The following ZFP64 variants were observed in gnomAD, a reference collection of about 807,000 sequenced individuals.
The protein encoded by ZFP64 is zinc finger protein 64.
A neutral mutation model predicts 51.6 loss-of-function variants in ZFP64; 14 were observed. That is an observed-to-expected ratio of 0.27 (90% CI 0.18 to 0.42). The LOEUF (loss-of-function observed/expected upper bound fraction) is 0.42, where lower values mean the gene tolerates loss of function less well. ZFP64 is among the 10% of genes least tolerant of loss of function. ZFP64 has a pLI of 1.00. For missense variants in ZFP64, 754 were observed against 906.8 expected, an observed-to-expected ratio of 0.83 and a Z score of 2.16; for synonymous variants, 375 against 361.4, an observed-to-expected ratio of 1.04 and a Z score of -0.43.
intron 5 of ZFP64, among the ~76,000 whole-genome samples, chr20:52,130,638 G>GT (rs1369623523): frequency 6.6e-6 from 1 of 152,176 alleles, no homozygotes; most frequent in Non-Finnish European, 1.5e-5. Flanking sequence ...TATAGTAGGT[G>GT]TTCAGGAAAC....
At chr20:52,106,082 C>T (rs1450143882) in intron 5 of ZFP64, among the ~76,000 whole-genome samples, 2 of 152,314 alleles carry the variant, frequency 1.3e-5, no homozygotes, top group East Asian at 3.9e-4. Flanking sequence ...CACGCGCCCG[C>T]TCCCGCCCCG....
intron 5 of ZFP64, among the ~76,000 whole-genome samples, chr20:52,136,890 G>A (rs989777154): frequency 6.6e-6 from 1 of 152,080 alleles, no homozygotes; most frequent in Non-Finnish European, 1.5e-5. Context: ...TCAGCCTCCT[G>A]AATAGCCGGG....
intron 5 of ZFP64, among the ~76,000 whole-genome samples, chr20:52,135,115 C>T (rs1979906846): frequency 1.3e-5 from 2 of 152,136 alleles, no homozygotes; most frequent in Non-Finnish European, 1.5e-5. Flanking sequence ...CTGTCTGCTT[C>T]GGCCTCCCAT....
At chr20:52,140,249 A>G (rs949711771) in intron 5 of ZFP64, among the ~76,000 whole-genome samples, 6 of 152,166 alleles carry the variant, frequency 3.9e-5, no homozygotes, top group Non-Finnish European at 1.5e-5. Context: ...TTCAAGTGAA[A>G]GAAAGAGTCC....
At chr20:52,117,096 C>A (rs975814396) in intron 5 of ZFP64, among the ~76,000 whole-genome samples, 11 of 151,988 alleles carry the variant, frequency 7.2e-5, no homozygotes, top group African/African-American at 2.7e-4. Flanking sequence ...CACACACACA[C>A]AAATTATGAA....
chr20:52,091,204 A>T (rs966186282), intron 7 of ZFP64, among the ~76,000 whole-genome samples: 1 of 152,080 alleles, frequency 6.6e-6, no homozygotes, highest in Non-Finnish European at 1.5e-5. Context: ...CCTCTTAAAG[A>T]TTTAAATTAT....
chr20:52,093,284 G>A (rs1416774508), intron 7 of ZFP64, among the ~76,000 whole-genome samples: 1 of 152,110 alleles, frequency 6.6e-6, no homozygotes, highest in Non-Finnish European at 1.5e-5. Context: ...GGGATTACAG[G>A]CAGCCACCAC....
At position 52,108,674 on chromosome 20, in the gene ZFP64, A is replaced by AT. The variant is rs962925953; in HGVS notation, c.764-10088dup. Among the ~76,000 whole-genome samples the AT allele has an allele frequency of 3.1e-4, 47 of 150,930 alleles. 1 individual carries two copies. Among genetic ancestry groups the AT allele is most frequent in the South Asian group, 2.1e-3 (10 of 4,752 alleles). On this transcript the variant is annotated intron_variant, in intron 5 of 8. Coordinates refer to the ZFP64 transcript ENST00000361387. ...CAGACAGCCACCACCATGCCCGACA[A>AT]TTTTTTTTTATTTTTAGTAGAGATG...
chr20:52,098,912 G>A (rs1441815652), intron 5 of ZFP64, among the ~76,000 whole-genome samples: 2 of 149,890 alleles, frequency 1.3e-5, no homozygotes, highest in South Asian at 2.1e-4. Flanking sequence ...TGAGGCAGGA[G>A]AATCGCTGGA....
Position 52,160,831 on chromosome 20 carries a change from C to CTG in ZFP64, c.512-459_512-458dup, listed in dbSNP as rs1310943824. On this transcript the variant is annotated intron_variant, in intron 4 of 5. Transcript: ENST00000216923. The surrounding 1 kb of genome is among the most constrained non-coding windows in gnomAD (Gnocchi z 4.2). ...AGCCTCGCCTGCAGCTAGCTGTGAT[C>CTG]TGTGACTAAGTTCCTATCAAAGCGA... Among the ~76,000 whole-genome samples the CTG allele has an allele frequency of 6.6e-6, 1 of 152,166 alleles. No individual in the cohort carries two copies. The highest frequency in any genetic ancestry group is 2.4e-5 in the African/African-American group (1 of 41,450).
intron 7 of ZFP64, chr20:52,089,129 C>T: frequency 2.2e-6 from 1 of 464,206 alleles, no homozygotes; most frequent in Non-Finnish European, 4.3e-6. Flanking sequence ...CAGCAGAAGA[C>T]CACATACCCA....
intron 5 of ZFP64, among the ~76,000 whole-genome samples, chr20:52,123,385 T>C (rs1275503767): frequency 6.6e-6 from 1 of 152,194 alleles, no homozygotes; most frequent in Non-Finnish European, 1.5e-5. Context: ...GAGAAATCTT[T>C]TGTGACAGGA....
chr20:52,124,192 T>TAAAAAA (rs33931169), intron 5 of ZFP64, among the ~76,000 whole-genome samples: 1 of 114,050 alleles, frequency 8.8e-6, no homozygotes, highest in African/African-American at 3.6e-5. Context: ...TTGTTAAATG[T>TAAAAAA]AAAAAAAAAA....
chr20:52,152,085 ATTCTACTTAAGAT>A lies in ZFP64; in HGVS notation c.*48_*60del. On this transcript the variant is annotated 3_prime_UTR_variant, in exon 6 of 6. Coordinates refer to ENST00000216923, the MANE Select transcript of ZFP64 (RefSeq NM_018197.3). ...ACATTAAGAGCAAACCTTTTAGAGA[ATTCTACTTAAGAT>A]TTCTTTTTCTCAATTCCTTTCCCCC... 1 of 1,552,586 alleles carries A rather than the reference ATTCTACTTAAGAT, an allele frequency of 6.4e-7. No homozygotes were observed. Among genetic ancestry groups the A allele is most frequent in the Non-Finnish European group, 8.7e-7 (1 of 1,151,612 alleles).
chr20:52,190,860 G>A (rs6068092), intron 1 of ZFP64, among the ~76,000 whole-genome samples: 24,279 of 152,070 alleles, frequency 0.16, 2,388 homozygotes, highest in Non-Finnish European at 0.22. Context: ...AGGCAGCTAC[G>A]AAGGACAGCG....
chr20:52,084,379 C>CTGCTT (rs749002412), exon 9 of ZFP64: 10 of 620,276 alleles, frequency 1.6e-5, no homozygotes, highest in South Asian at 4.3e-5. Flanking sequence ...CTCCACAGCC[C>CTGCTT]TGCTTTGCTT....
chr20:52,191,562 G>A lies in ZFP64; in HGVS notation c.46+29C>T. 5.1e-6 allele frequency: 8 copies of A among 1,560,558 alleles called. No homozygotes were observed. The highest frequency in any genetic ancestry group is 6.9e-6 in the Non-Finnish European group (8 of 1,158,348). On this transcript the variant is annotated intron_variant, in intron 1 of 5. Transcript: ENST00000216923. This position sits in a 1 kb window ranked among gnomAD's most constrained non-coding sequence, Gnocchi z 4.3. ...CCCGGAGCGCGCACTGGGCCCCGGA[G>A]CGCGCACTGCTCCCGGAAAAGCACT...
intron 5 of ZFP64, among the ~76,000 whole-genome samples, chr20:52,142,377 GACACAC>G (rs142317072): frequency 0.2 from 23,451 of 118,256 alleles, 2,296 homozygotes; most frequent in East Asian, 0.4. Context: ...CACACACACA[GACACAC>G]ACACACACAC....
At chr20:52,142,178 C>A (rs1400160289) in intron 5 of ZFP64, among the ~76,000 whole-genome samples, 1 of 151,700 alleles carries the variant, frequency 6.6e-6, no homozygotes, top group Non-Finnish European at 1.5e-5. Context: ...ACCAGTCTGG[C>A]CAAGATGGTG....
Sources: allele counts gnomAD v4.1 joint callset (sites outside exome capture counted in the v4.1 genomes callset), GRCh38; gene constraint gnomAD v4.1.1; non-coding constraint Gnocchi (gnomAD v3.1); transcripts MANE v1.5; gene names NCBI Gene and HGNC (gene_info 2026-07-23, HGNC 2026-07-21).